FAM178B: variants seen among roughly 807,000 people sequenced by gnomAD.
FAM178B encodes protein FAM178B.
In FAM178B, 82 loss-of-function variants were observed where a neutral mutation model predicts 91.7. That is an observed-to-expected ratio of 0.89 (90% CI 0.75 to 1.07). FAM178B has a LOEUF of 1.07. Among genes scored for constraint, FAM178B ranks in the 50% least tolerant of loss-of-function variants. The probability of loss-of-function intolerance (pLI) is 0.00; values close to 1 mark genes in which losing one functional copy is unlikely to be tolerated. For missense variants in FAM178B, 769 were observed against 846.7 expected (o/e 0.91, Z 1.14); for synonymous variants, 368 against 359.4 (o/e 1.02, Z -0.27).
At chr2:96,961,392 C>T (rs778081525) in intron 5 of FAM178B, among the ~76,000 whole-genome samples, 25 of 151,986 alleles carry the variant, frequency 1.6e-4, no homozygotes, top group Non-Finnish European at 2.9e-4. Context: ...TGCTCAGACA[C>T]GTGCAACGCC....
At chr2:96,962,785 G>A (rs147466641) in intron 5 of FAM178B, among the ~76,000 whole-genome samples, 2 of 152,284 alleles carry the variant, frequency 1.3e-5, no homozygotes, top group East Asian at 1.9e-4. Context: ...ATGCTTGCTC[G>A]GGACTGTCAG....
intron 13 of FAM178B, among the ~76,000 whole-genome samples, chr2:96,900,911 T>C (rs1424262177): frequency 6.6e-6 from 1 of 152,174 alleles, no homozygotes; most frequent in African/African-American, 2.4e-5. Flanking sequence ...GCTGCCTCAG[T>C]GGCTAGAGAT....
At chr2:96,975,935 AAAC>A (rs1304803030) in intron 1 of FAM178B, among the ~76,000 whole-genome samples, 2 of 152,186 alleles carry the variant, frequency 1.3e-5, no homozygotes, top group Non-Finnish European at 2.9e-5. Context: ...TTCAATAATA[AAAC>A]AACTACACAG....
intron 1 of FAM178B, among the ~76,000 whole-genome samples, chr2:96,985,689 C>G (rs2082414188): frequency 6.9e-6 from 1 of 145,466 alleles, no homozygotes; most frequent in Non-Finnish European, 1.5e-5. Flanking sequence ...TTTCAAGACG[C>G]CTTATTCCTA....
At chr2:96,937,834 T>C (rs1229258572) in intron 8 of FAM178B, among the ~76,000 whole-genome samples, 2 of 152,096 alleles carry the variant, frequency 1.3e-5, no homozygotes, top group Non-Finnish European at 2.9e-5. Context: ...GAGACCAGCC[T>C]GGGTAACACA....
At position 96,877,652 on chromosome 2, in the gene FAM178B, CCCAAAGTG is replaced by C. The variant is rs1310544798; in HGVS notation, c.2007+230_2007+237del. 27 of 518,214 alleles carry C rather than the reference CCCAAAGTG, an allele frequency of 5.2e-5. No homozygotes were observed. The Admixed American group carries it at 6.3e-4, about 12-fold the overall frequency. The allele number at this position is 518,214 out of a possible 1,614,324, so 32.1% of individuals were successfully genotyped here. On this transcript the variant is annotated intron_variant, in intron 16 of 16. Coordinates refer to ENST00000490605, the MANE Select transcript of FAM178B (RefSeq NM_001122646.3). ...CCTTGTGATCCGCCCGCCTCAGTCT[CCCAAAGTG>C]CTGGGATTACAGGCGTGAGCTACCA...
At chr2:96,905,322 C>T (rs2081010051) in intron 12 of FAM178B, among the ~76,000 whole-genome samples, 1 of 152,038 alleles carries the variant, frequency 6.6e-6, no homozygotes, top group Non-Finnish European at 1.5e-5. Flanking sequence ...CTTTGGGAGG[C>T]TGAAGCGGGT....
intron 16 of FAM178B, among the ~76,000 whole-genome samples, chr2:96,877,172 G>A (rs1196825693): frequency 6.6e-6 from 1 of 152,168 alleles, no homozygotes; most frequent in African/African-American, 2.4e-5. Context: ...GGGGTAGGGG[G>A]TGTAGTGGAG....
Position 96,970,658 on chromosome 2 carries a change from G to T in FAM178B, c.626+58C>A, listed in dbSNP as rs1418687815. 4.3e-5 allele frequency: 58 copies of T among 1,339,462 alleles called. No individual in the cohort carries two copies. The East Asian group carries it at 1.4e-3, about 32-fold the overall frequency. 83.0% of individuals were successfully genotyped at this position (1,339,462 alleles called of 1,614,324 possible). ...GACCAGACTCTGCAGTGAGTCCCGG[G>T]ACTGCTGCCAACCCTGCAGAAATAA... On this transcript the variant is annotated intron_variant, in intron 4 of 16. Coordinates refer to ENST00000490605, the MANE Select transcript of FAM178B (RefSeq NM_001122646.3).
intron 16 of FAM178B, 38 bp from the exon 17 acceptor site, chr2:96,876,346 C>A (rs1160151824): frequency 6.3e-7 from 1 of 1,576,626 alleles, no homozygotes; most frequent in Admixed American, 1.9e-5. Flanking sequence ...AGGGCCTGGG[C>A]CCAGGTGCTG....
In FAM178B at chr2:96,970,623, G is replaced by A. The variant is rs991334756; in HGVS notation, c.626+93C>T. The A allele has an allele frequency of 4.1e-5, 41 of 990,502 alleles. No homozygotes were observed. The Middle Eastern group carries it at 6.6e-4, about 16-fold the overall frequency. The allele number at this position is 990,502 out of a possible 1,614,324, so 61.4% of individuals were successfully genotyped here. On this transcript the variant is annotated intron_variant, in intron 4 of 16. Coordinates refer to ENST00000490605, the MANE Select transcript of FAM178B (RefSeq NM_001122646.3). Reference sequence around the variant, plus strand: ...GCAGGCTGAGTCTGGGTGGGAGGCCGCTGTACTCCGACCAGACTCTGCAGT... The same window carrying A: ...GCAGGCTGAGTCTGGGTGGGAGGCCACTGTACTCCGACCAGACTCTGCAGT...
rs1255302717 is a variant in FAM178B at position 96,921,182 on chromosome 2, G to A, written c.1545C>T (p.Asp515=). 1 of 1,551,606 alleles carries A rather than the reference G, an allele frequency of 6.4e-7. No homozygotes were observed. Among genetic ancestry groups the A allele is most frequent in the South Asian group, 1.2e-5 (1 of 84,050 alleles). ...GCACGCACCTGCTCCGGGAGGTCATGTCTGGGAAGAACTGCACGAGGGCCA... is the reference window on the plus strand; with the variant it reads ...GCACGCACCTGCTCCGGGAGGTCATATCTGGGAAGAACTGCACGAGGGCCA... The part of the protein sequence containing the change: ...NLLALVQFFP[D]MTSRSRRLRS... The change falls in exon 12 of 17, where the codon GAC becomes GAT. Residue 515 remains aspartate (D), a synonymous_variant. Coordinates refer to ENST00000490605, the MANE Select transcript of FAM178B (RefSeq NM_001122646.3).
intron 16 of FAM178B, 133 bp from the exon 17 acceptor site, chr2:96,876,441 C>T (rs2080243922): frequency 2.7e-6 from 3 of 1,129,178 alleles, no homozygotes; most frequent in South Asian, 1.4e-5. Flanking sequence ...GAGCAGGATG[C>T]CTGGGTTCAC....
At chr2:96,889,876 T>C (rs2080627726) in intron 14 of FAM178B, among the ~76,000 whole-genome samples, 1 of 151,688 alleles carries the variant, frequency 6.6e-6, no homozygotes, top group Admixed American at 6.6e-5. Context: ...AGATGGCTCA[T>C]GCCTGTAATC....
At chr2:96,947,589 G>A (rs937002692) in intron 8 of FAM178B, among the ~76,000 whole-genome samples, 2 of 152,232 alleles carry the variant, frequency 1.3e-5, no homozygotes, top group African/African-American at 4.8e-5. Context: ...CAGCCTGGCC[G>A]TGGCCACAGG....
At chr2:96,977,810 A>G in intron 1 of FAM178B, 1 of 456,630 alleles carries the variant, frequency 2.2e-6, no homozygotes, top group Non-Finnish European at 4.4e-6. Context: ...TTTAGGACGC[A>G]TAATACCGGC....
At chr2:96,980,875 A>G (rs2082352389) in intron 1 of FAM178B, among the ~76,000 whole-genome samples, 1 of 152,176 alleles carries the variant, frequency 6.6e-6, no homozygotes, top group South Asian at 2.1e-4. Context: ...CCCATTTTAG[A>G]TCTGTGAAGT....
chr2:96,977,391 AAAAAAAAAAAAAG>A (rs2082304827), intron 1 of FAM178B, among the ~76,000 whole-genome samples: 1 of 149,828 alleles, frequency 6.7e-6, no homozygotes, highest in Admixed American at 6.6e-5. Flanking sequence ...TCTCAAAAAA[AAAAAAAAAAAAAG>A]AAAAACAACA....
chr2:96,897,452 A>G (rs972767820), intron 13 of FAM178B, among the ~76,000 whole-genome samples: 2 of 152,212 alleles, frequency 1.3e-5, no homozygotes, highest in African/African-American at 2.4e-5. Flanking sequence ...CACTTTGACA[A>G]GAGGTTTACT....
Sources: allele counts gnomAD v4.1 joint callset (sites outside exome capture counted in the v4.1 genomes callset), GRCh38; gene constraint gnomAD v4.1.1; transcripts MANE v1.5; gene names NCBI Gene and HGNC (gene_info 2026-07-23, HGNC 2026-07-21).